ALG12: variants seen among roughly 807,000 people sequenced by gnomAD.
ALG12 encodes ALG12 alpha-1,6-mannosyltransferase.
ALG12 carries 36 observed loss-of-function variants against 46.0 expected under a neutral mutation model. The observed-to-expected ratio is 0.78, with a 90% CI of 0.60 to 1.03. ALG12 has a LOEUF of 1.03. Ranked by LOEUF, ALG12 falls within the 50% of genes least tolerant of loss-of-function variation. The probability of loss-of-function intolerance (pLI) is 0.00; values close to 1 mark genes in which losing one functional copy is unlikely to be tolerated. For synonymous variants in ALG12, 326 were observed against 291.6 expected (o/e 1.12, Z -1.20); for missense variants, 599 against 633.5 (o/e 0.95, Z 0.58).
chr22:49,878,330 A>G, the ALG12 span, among the ~76,000 whole-genome samples: 107 of 150,590 alleles, frequency 7.1e-4, no homozygotes, highest in South Asian at 2.7e-3. Flanking sequence ...GTCTTCATAC[A>G]GAGATAGGCT....
the ALG12 span, chr22:49,884,077 T>C: frequency 6.2e-7 from 1 of 1,610,126 alleles, no homozygotes; most frequent in Non-Finnish European, 8.5e-7. Flanking sequence ...ATGCATGTAC[T>C]GTGTGAAGGA....
chr22:49,878,133 C>T, the ALG12 span, among the ~76,000 whole-genome samples: 6 of 151,854 alleles, frequency 4.0e-5, no homozygotes, highest in Non-Finnish European at 7.4e-5. Flanking sequence ...GGTGAAACAC[C>T]GTCTCTACTA....
At position 49,902,563 on chromosome 22, in the gene ALG12, ATGTGCACG is replaced by A. The variant is rs2060518226; in HGVS notation, c.*1267_*1274del. On this transcript the variant is annotated 3_prime_UTR_variant, in exon 10 of 10. Transcript: ENST00000330817. The stretch of plus-strand genomic sequence containing the variant: ...GCGTGCACTGTGTGTATGCATGGTA[ATGTGCACG>A]TGTGCACTGTGTGTGGTGTGTATGC... The A allele has an allele frequency of 9.3e-6, 1 of 108,072 alleles. No homozygotes were observed. Among genetic ancestry groups the A allele is most frequent in the Admixed American group, 9.6e-5 (1 of 10,468 alleles). 6.7% of individuals were successfully genotyped at this position (108,072 alleles called of 1,614,324 possible). A position where few individuals can be genotyped will look rare whatever the true frequency, so the allele number is the denominator to read the frequency against.
rs772785699 is a variant in ALG12, at chr22:49,903,723, C to G, written c.*115G>C. ...CTGGTGTCTGTCAGAGGCAGGTGCC[C>G]AGTCCTTTGACTTGCTTCTCTGAAT... On this transcript the variant is annotated 3_prime_UTR_variant, in exon 10 of 10. Coordinates refer to ENST00000330817, the MANE Select transcript of ALG12 (RefSeq NM_024105.4). 6 of 1,227,398 alleles carry G rather than the reference C, an allele frequency of 4.9e-6. No individual in the cohort carries two copies. The highest frequency in any genetic ancestry group is 7.0e-6 in the Non-Finnish European group (6 of 852,766). The allele number at this position is 1,227,398 out of a possible 1,614,324, so 76.0% of individuals were successfully genotyped here.
the ALG12 span, among the ~76,000 whole-genome samples, chr22:49,868,248 A>G: frequency 6.6e-6 from 1 of 152,204 alleles, no homozygotes; most frequent in Non-Finnish European, 1.5e-5. Context: ...GATTTGGGGA[A>G]ACTAAAAAAT....
At chr22:49,893,757 A>G in the ALG12 span, among the ~76,000 whole-genome samples, 5 of 152,202 alleles carry the variant, frequency 3.3e-5, no homozygotes, top group African/African-American at 1.2e-4. Context: ...GCCTAAAACT[A>G]TCTCTTAGAG....
chr22:49,896,714 C>T (rs570977919), downstream of ALG12, among the ~76,000 whole-genome samples: 9 of 152,328 alleles, frequency 5.9e-5, 1 homozygote, highest in South Asian at 1.7e-3. Flanking sequence ...CAGCTCACTG[C>T]AACCTCCGCC....
intron 6 of ALG12, 146 bp from the exon 7 acceptor site, chr22:49,908,090 A>G: frequency 3.8e-6 from 3 of 783,988 alleles, no homozygotes; most frequent in Non-Finnish European, 6.1e-6. Context: ...GACACCACTC[A>G]GGCCTCAGGC....
chr22:49,867,234 T>G, the ALG12 span, among the ~76,000 whole-genome samples: 18 of 152,244 alleles, frequency 1.2e-4, no homozygotes, highest in African/African-American at 4.3e-4. Flanking sequence ...TGCTTTATAA[T>G]TTAACTCCAT....
At chr22:49,893,075 C>T in the ALG12 span, among the ~76,000 whole-genome samples, 1,064 of 152,200 alleles carry the variant, frequency 7.0e-3, 8 homozygotes, top group African/African-American at 0.024. Context: ...TAGTTAGTAC[C>T]AAATTAGGCT....
chr22:49,913,928 T>TTC, intron 1 of ALG12, 85 bp from the exon 2 acceptor site: 2 of 821,554 alleles, frequency 2.4e-6, no homozygotes. Context: ...GTTAGCAGAA[T>TTC]TCTCTGAACT....
rs766804871 is a variant in ALG12 at position 49,903,205 on chromosome 22, T to G, written c.*633A>C. The G allele has an allele frequency of 2.6e-6, 1 of 384,956 alleles. No homozygotes were observed. The highest frequency in any genetic ancestry group is 1.9e-5 in the South Asian group (1 of 52,834). 23.8% of individuals were successfully genotyped at this position (384,956 alleles called of 1,614,324 possible). A position where few individuals can be genotyped will look rare whatever the true frequency, so the allele number is the denominator to read the frequency against. On this transcript the variant is annotated 3_prime_UTR_variant, in exon 10 of 10. Transcript: ENST00000330817. ...ATTTTTAAAATTTCATTCTCATTAT[T>G]TTCTGTAATCTTGAGAGGTTCCAAT...
At chr22:49,884,561 A>T in the ALG12 span, 1 of 1,613,394 alleles carries the variant, frequency 6.2e-7, no homozygotes, top group Non-Finnish European at 8.5e-7. Flanking sequence ...TCGCCACTGG[A>T]CAACTCCAAA....
chr22:49,898,991 G>A (rs1056751222), downstream of ALG12, among the ~76,000 whole-genome samples: 1 of 152,046 alleles, frequency 6.6e-6, no homozygotes, highest in African/African-American at 2.4e-5. Flanking sequence ...CTCACACCAT[G>A]TTAAAAAATT....
chr22:49,873,555 T>C, the ALG12 span, among the ~76,000 whole-genome samples: 3 of 152,168 alleles, frequency 2.0e-5, no homozygotes, highest in Non-Finnish European at 4.4e-5. Flanking sequence ...TACCAAAATG[T>C]GACACACAGG....
the ALG12 span, among the ~76,000 whole-genome samples, chr22:49,864,820 C>CA: frequency 1.7e-3 from 114 of 66,966 alleles, 8 homozygotes; most frequent in African/African-American, 3.7e-3. Context: ...ACCCTGTCTC[C>CA]AAAAAAAAAA....
Position 49,905,738 on chromosome 22 carries a change from A to G in ALG12, c.993-1232T>C, listed in dbSNP as rs1175809171. On this transcript the variant is annotated intron_variant, in intron 7 of 9. Transcript: ENST00000330817. This position sits in a 1 kb window ranked among gnomAD's most constrained non-coding sequence, Gnocchi z 4.9. ...CGCGAGCCAATGAAGCCTCCTCTTT[A>G]TAAATTATCCAGTCTCAGGTGTTTC... Among the ~76,000 whole-genome samples the G allele has an allele frequency of 1.3e-5, 2 of 152,202 alleles. No homozygotes were observed. Among genetic ancestry groups the G allele is most frequent in the South Asian group, 2.1e-4 (1 of 4,824 alleles).
the ALG12 span, among the ~76,000 whole-genome samples, chr22:49,870,944 T>A: frequency 8.4e-4 from 1 of 1,192 alleles, no homozygotes. Flanking sequence ...AAAAGATAGA[T>A]TTTTTTTTTT....
rs142027212 is a variant in ALG12 at position 49,904,066 on chromosome 22, C to G, written c.1239G>C (p.Arg413Ser). Residue 413 changes from arginine (R) to serine (S), a missense_variant and splice_region_variant, in exon 10 of 10, where the codon AGG (arginine) becomes AGC (serine). Physicochemically the swap from Arg to Ser is moderately radical, Grantham distance 110. Coordinates refer to ENST00000330817, the MANE Select transcript of ALG12 (RefSeq NM_024105.4). ...GCTGCACATCCTCCCTCTTGTCGTA[C>G]CTGTGGGATGAGAGCTGGTGGTCCT... Reference protein sequence around the residue: ...SRFLQVNSAWRYDKREDVQPG... With the variant: ...SRFLQVNSAWSYDKREDVQPG... 3.2e-5 allele frequency: 51 copies of G among 1,614,144 alleles called. No homozygotes were observed. In the African/African-American group the frequency reaches 6.5e-4, roughly 21 times the overall value.
Sources: allele counts gnomAD v4.1 joint callset (sites outside exome capture counted in the v4.1 genomes callset), GRCh38; gene constraint gnomAD v4.1.1; non-coding constraint Gnocchi (gnomAD v3.1); transcripts MANE v1.5; gene names NCBI Gene and HGNC (gene_info 2026-07-23, HGNC 2026-07-21).